Variants in MYO6 observed in about 807,000 individuals in gnomAD.
MYO6 encodes the protein unconventional myosin-VI.
A neutral mutation model predicts 178.7 loss-of-function variants in MYO6; 74 were observed. The observed-to-expected ratio is 0.41, with a 90% CI of 0.34 to 0.50. MYO6 has a LOEUF of 0.50. Ranked by LOEUF, MYO6 falls within the 20% of genes least tolerant of loss-of-function variation. The pLI is 0.09. For synonymous variants in MYO6, 477 were observed against 504.6 expected, an observed-to-expected ratio of 0.95 and a Z score of 0.73; for missense variants, 1,330 against 1,547.4, an observed-to-expected ratio of 0.86 and a Z score of 2.36.
intron 1 of MYO6, among the ~76,000 whole-genome samples, chr6:75,792,943 C>T (rs563723098): frequency 1.5e-4 from 23 of 151,228 alleles, no homozygotes; most frequent in East Asian, 3.9e-4. Context: ...ACCACCATAC[C>T]CAGCTAAATT....
intron 27 of MYO6, among the ~76,000 whole-genome samples, chr6:75,892,253 G>A (rs948167298): frequency 6.6e-5 from 10 of 152,178 alleles, no homozygotes; most frequent in Admixed American, 3.9e-4. Context: ...ATACTCATGT[G>A]ATGTTTGGGA....
rs758857629 is a variant in MYO6, at chr6:75,890,218, TGAA to T, written c.2826_2828del (p.Glu942del). The T allele has an allele frequency of 6.2e-7, 1 of 1,611,596 alleles. No individual in the cohort carries two copies. The highest frequency in any genetic ancestry group is 8.5e-7 in the Non-Finnish European group (1 of 1,178,060). On this transcript the variant is annotated inframe_deletion, in exon 26 of 35. Transcript: ENST00000369977. ...AAATGGAAAAGGAAAGAAAAAGACG[TGAA>T]GAAGACGAAAAACGTCGAAGAAAGG... is the stretch of plus-strand genomic sequence containing the variant.
intron 1 of MYO6, among the ~76,000 whole-genome samples, chr6:75,773,863 A>G (rs1038084469): frequency 3.3e-5 from 5 of 152,242 alleles, no homozygotes; most frequent in African/African-American, 9.6e-5. Flanking sequence ...TTATTTGTTC[A>G]TTGTGGAAAA....
chr6:75,894,294 AC>A (rs1199798844), intron 28 of MYO6, among the ~76,000 whole-genome samples: 1 of 152,220 alleles, frequency 6.6e-6, no homozygotes, highest in African/African-American at 2.4e-5. Flanking sequence ...TAAACAAGTT[AC>A]CTGTAATTTA....
At chr6:75,801,013 G>A (rs1165789282) in intron 1 of MYO6, among the ~76,000 whole-genome samples, 1 of 152,150 alleles carries the variant, frequency 6.6e-6, no homozygotes, top group African/African-American at 2.4e-5. Context: ...GTGAGCCACC[G>A]TGCCTGGCCA....
chr6:75,902,676 C>G (rs368905083), intron 30 of MYO6, among the ~76,000 whole-genome samples: 3,183 of 151,460 alleles, frequency 0.021, 60 homozygotes, highest in Middle Eastern at 0.058. Flanking sequence ...CAAAAAACCA[C>G]CTCCTGGATT....
chr6:75,836,086 A>G, intron 7 of MYO6, 130 bp downstream of exon 7: 1 of 728,502 alleles, frequency 1.4e-6, no homozygotes, highest in Non-Finnish European at 2.5e-6. Context: ...TTGCTCATAT[A>G]TCATCTTGTT....
chr6:75,908,472 T>C, intron 31 of MYO6, 24 bp from the exon 32 acceptor site: 4 of 1,611,066 alleles, frequency 2.5e-6, no homozygotes, highest in Non-Finnish European at 3.4e-6. Context: ...TCAATTTTTT[T>C]TTTTTGCTCA....
rs1245093038 is a variant in MYO6 at position 75,753,479 on chromosome 6, A to G, written c.-48+4056A>G. ...TGTATATATATATATATATATATAT[A>G]TGTTTTTTGGAGACAGAGTCTCATT... On this transcript the variant is annotated intron_variant, in intron 1 of 34. Transcript: ENST00000369977. 7.9e-5 allele frequency among the ~76,000 whole-genome samples: 11 copies of G among 139,796 alleles called. 1 individual carries two copies. Among genetic ancestry groups the G allele is most frequent in the African/African-American group, 2.9e-4 (11 of 38,118 alleles). 91.7% of individuals were successfully genotyped at this position (139,796 alleles called of 152,430 possible). A position where few individuals can be genotyped will look rare whatever the true frequency, so the allele number is the denominator to read the frequency against.
Position 75,915,324 on chromosome 6 carries a change from C to T in MYO6, c.*312C>T, listed in dbSNP as rs934522789. On this transcript the variant is annotated 3_prime_UTR_variant, in exon 35 of 35. Transcript: ENST00000369977. ...ACCTTACATCCATCGTAATTGTTCT[C>T]TAGGAAAAGAGAACTTTTTTCAAAA... The T allele has an allele frequency of 2.6e-6, 1 of 383,948 alleles. No individual in the cohort carries two copies. Among genetic ancestry groups the T allele is most frequent in the African/African-American group, 2.1e-5 (1 of 48,726 alleles). The allele number at this position is 383,948 out of a possible 1,614,324, so 23.8% of individuals were successfully genotyped here.
intron 13 of MYO6, among the ~76,000 whole-genome samples, 192 bp downstream of exon 13, chr6:75,857,446 G>C (rs1775822030): frequency 6.6e-6 from 1 of 152,056 alleles, no homozygotes; most frequent in Non-Finnish European, 1.5e-5. Flanking sequence ...AGACTCGTGG[G>C]GATTAGTTTT....
At chr6:75,773,248 A>C (rs898981515) in intron 1 of MYO6, among the ~76,000 whole-genome samples, 5 of 152,236 alleles carry the variant, frequency 3.3e-5, no homozygotes, top group African/African-American at 1.2e-4. Flanking sequence ...TGAGTATCCA[A>C]TTATGATCAG....
At chr6:75,782,187 T>G (rs986655379) in intron 1 of MYO6, among the ~76,000 whole-genome samples, 1 of 152,162 alleles carries the variant, frequency 6.6e-6, no homozygotes, top group Non-Finnish European at 1.5e-5. Context: ...GACTTTGTGC[T>G]GGGGATTTTG....
chr6:75,754,442 C>T (rs1777161182), intron 1 of MYO6, among the ~76,000 whole-genome samples: 1 of 139,492 alleles, frequency 7.2e-6, no homozygotes, highest in South Asian at 2.3e-4. Flanking sequence ...ATCACTTGAA[C>T]CTGGCAGGTG....
intron 1 of MYO6, among the ~76,000 whole-genome samples, chr6:75,805,021 A>ATATATATATATT (rs1252912172): frequency 0.011 from 845 of 77,294 alleles, 44 homozygotes; most frequent in African/African-American, 0.041. Flanking sequence ...ATATATATAT[A>ATATATATATATT]TTTTTTTTTT....
chr6:75,786,253 G>A (rs1316117448), intron 1 of MYO6, among the ~76,000 whole-genome samples: 1 of 151,992 alleles, frequency 6.6e-6, no homozygotes, highest in Non-Finnish European at 1.5e-5. Flanking sequence ...ATAAATCTTT[G>A]CTCTTTTTCC....
In MYO6 at chr6:75,817,595, T is replaced by C. The variant is rs1394076398; in HGVS notation, c.48T>C (p.Phe16=). The part of the protein sequence containing the change: ...PVWAPHPTDG[F]QMGNIVDIGP... ...GGGCGCCACACCCTACAGATGGATT[T>C]CAGATGGGCAATATTGTGGATATTG... Residue 16 remains phenylalanine, a synonymous_variant, in exon 2 of 35, where the codon TTT becomes TTC. Transcript: ENST00000369977. The C allele has an allele frequency of 6.2e-7, 1 of 1,614,196 alleles. No individual in the cohort carries two copies. The highest frequency in any genetic ancestry group is 1.7e-5 in the Admixed American group (1 of 60,020).
Position 75,836,141 on chromosome 6 carries a change from A to G in MYO6, c.553+185A>G, listed in dbSNP as rs77818820. Among the ~76,000 whole-genome samples, 2,656 of 152,324 alleles carry G rather than the reference A, an allele frequency of 0.017. 71 individuals carry two copies. Among genetic ancestry groups the G allele is most frequent in the African/African-American group, 0.06 (2,503 of 41,568 alleles). ...TTTCTGCCCCCACCCGCACCTCATG[A>G]AAACACTAAGAAGGCAGGGATTTTT... is the stretch of plus-strand genomic sequence containing the variant. On this transcript the variant is annotated intron_variant, in intron 7 of 34. Transcript: ENST00000369977.
intron 28 of MYO6, 56 bp from the exon 29 acceptor site, chr6:75,895,175 G>A (rs561869903): frequency 7.2e-7 from 1 of 1,386,434 alleles, no homozygotes; most frequent in Middle Eastern, 1.8e-4. Flanking sequence ...GCACAATCCA[G>A]ATTTTCACAG....
Sources: allele counts gnomAD v4.1 joint callset (sites outside exome capture counted in the v4.1 genomes callset), GRCh38; gene constraint gnomAD v4.1.1; transcripts MANE v1.5; gene names NCBI Gene and HGNC (gene_info 2026-07-23, HGNC 2026-07-21).